Variants in ZNF704 observed in about 807,000 individuals in gnomAD.
ZNF704 encodes the protein glucocorticoid induced gene 1.
A neutral mutation model predicts 44.7 loss-of-function variants in ZNF704; 10 were observed. The observed-to-expected ratio is 0.22, with a 90% CI of 0.14 to 0.38. The LOEUF (loss-of-function observed/expected upper bound fraction) is 0.38, where lower values mean the gene tolerates loss of function less well. ZNF704 is among the 10% of genes least tolerant of loss of function. The probability of loss-of-function intolerance (pLI) is 1.00; values close to 1 mark genes in which losing one functional copy is unlikely to be tolerated. For synonymous variants in ZNF704, 211 were observed against 207.6 expected (o/e 1.02, Z -0.14); for missense variants, 390 against 545.5 (o/e 0.71, Z 2.84).
intron 1 of ZNF704, among the ~76,000 whole-genome samples, chr8:80,866,521 G>C (rs945895819): frequency 2.0e-5 from 3 of 152,218 alleles, no homozygotes; most frequent in South Asian, 2.1e-4. Flanking sequence ...AAATATTTCA[G>C]AAAGTCTAAG....
At chr8:80,757,234 A>G (rs972075727) in intron 2 of ZNF704, among the ~76,000 whole-genome samples, 1 of 152,128 alleles carries the variant, frequency 6.6e-6, no homozygotes, top group African/African-American at 2.4e-5. Flanking sequence ...GTAGAACAAG[A>G]TGTGGAGGTG....
At chr8:80,724,038 G>C (rs138602189) in intron 2 of ZNF704, among the ~76,000 whole-genome samples, 1 of 152,126 alleles carries the variant, frequency 6.6e-6, no homozygotes, top group African/African-American at 2.4e-5. Flanking sequence ...TTATATTTAC[G>C]CAAGTAATGT....
At chr8:80,715,805 C>T (rs528593313) in intron 2 of ZNF704, among the ~76,000 whole-genome samples, 11 of 152,164 alleles carry the variant, frequency 7.2e-5, no homozygotes, top group East Asian at 1.9e-4. Context: ...CTGGGCTGGG[C>T]GCCGTGGCTC....
At chr8:80,722,043 C>A (rs1025294122) in intron 2 of ZNF704, among the ~76,000 whole-genome samples, 1 of 152,090 alleles carries the variant, frequency 6.6e-6, no homozygotes, top group South Asian at 2.1e-4. Context: ...TCAAGACCAG[C>A]CTGTGCAACA....
rs188020207 is a variant in ZNF704, at chr8:80,801,929, C to T, written c.221+19445G>A. Among the ~76,000 whole-genome samples the T allele has an allele frequency of 2.5e-3, 374 of 151,694 alleles. 7 individuals are homozygous for T. The highest frequency in any genetic ancestry group is 0.023 in the Admixed American group (350 of 15,208). On this transcript the variant is annotated intron_variant, in intron 2 of 8. Coordinates refer to ENST00000327835, the MANE Select transcript of ZNF704 (RefSeq NM_001033723.3). ...TAATAAAATGGATAGATGGCCAGGCCAGACTAATAAAGAAGAAAATAGAGA... is the reference window on the plus strand; with the variant it reads ...TAATAAAATGGATAGATGGCCAGGCTAGACTAATAAAGAAGAAAATAGAGA...
intron 2 of ZNF704, among the ~76,000 whole-genome samples, chr8:80,733,860 C>T (rs1806622347): frequency 6.6e-6 from 1 of 152,142 alleles, no homozygotes; most frequent in South Asian, 2.1e-4. Flanking sequence ...TTATTGTTCT[C>T]AGAGGGAAGG....
At chr8:80,655,294 C>T (rs1404214906) in intron 7 of ZNF704, among the ~76,000 whole-genome samples, 3 of 151,658 alleles carry the variant, frequency 2.0e-5, no homozygotes, top group Non-Finnish European at 1.5e-5. Context: ...ATGTAACAAA[C>T]CTGCACGTTG....
At chr8:80,663,843 C>T (rs774381951) in intron 6 of ZNF704, among the ~76,000 whole-genome samples, 3 of 152,064 alleles carry the variant, frequency 2.0e-5, no homozygotes, top group Non-Finnish European at 4.4e-5. Flanking sequence ...TCCTCCCACA[C>T]CTCAGCCTCC....
chr8:80,647,020 T>C (rs1428545255), intron 7 of ZNF704, among the ~76,000 whole-genome samples: 1 of 152,200 alleles, frequency 6.6e-6, no homozygotes, highest in Non-Finnish European at 1.5e-5. Context: ...TGAAGTGATA[T>C]GAGATTATTG....
At chr8:80,748,628 T>C (rs1194847871) in intron 2 of ZNF704, among the ~76,000 whole-genome samples, 3 of 152,162 alleles carry the variant, frequency 2.0e-5, no homozygotes, top group Non-Finnish European at 4.4e-5. Context: ...GGAATGGGCA[T>C]TGCTGTAGCA....
In ZNF704 at chr8:80,810,470, C is replaced by CTT. The variant is rs138732265; in HGVS notation, c.221+10902_221+10903dup. On this transcript the variant is annotated intron_variant, in intron 2 of 8. Coordinates refer to ENST00000327835, the MANE Select transcript of ZNF704 (RefSeq NM_001033723.3). ...TTTATAAGCAGTATGTATTAATGAG[C>CTT]TTTTTTTTAACAATATTAAAAAAGT... is the stretch of plus-strand genomic sequence containing the variant. Among the ~76,000 whole-genome samples, 657 of 150,716 alleles carry CTT rather than the reference C, an allele frequency of 4.4e-3. 3 individuals carry two copies. Among genetic ancestry groups the CTT allele is most frequent in the African/African-American group, 0.015 (603 of 40,162 alleles).
intron 2 of ZNF704, among the ~76,000 whole-genome samples, chr8:80,748,125 A>G (rs1806878621): frequency 1.3e-5 from 2 of 152,236 alleles, no homozygotes; most frequent in African/African-American, 2.4e-5. Context: ...CTTCAGAAAC[A>G]TCTGTTTTAT....
rs73273074 is a variant in ZNF704, at chr8:80,715,807, C to A, written c.222-22700G>T. On this transcript the variant is annotated intron_variant, in intron 2 of 8. Transcript: ENST00000327835. Reference sequence around the variant, plus strand: ...AGAATTATTGAGTCTGGGCTGGGCGCCGTGGCTCATGCCTGCAATCCTAGC... The same window carrying A: ...AGAATTATTGAGTCTGGGCTGGGCGACGTGGCTCATGCCTGCAATCCTAGC... Among the ~76,000 whole-genome samples, 730 of 152,232 alleles carry A rather than the reference C, an allele frequency of 4.8e-3. 5 individuals carry two copies. The highest frequency in any genetic ancestry group is 0.016 in the African/African-American group (671 of 41,540).
Position 80,831,817 on chromosome 8 carries a change from G to A in ZNF704, c.-21-10202C>T, listed in dbSNP as rs114991243. 3.0e-3 allele frequency among the ~76,000 whole-genome samples: 456 copies of A among 152,312 alleles called. 1 individual carries two copies. Among genetic ancestry groups the A allele is most frequent in the African/African-American group, 0.01 (433 of 41,564 alleles). On this transcript the variant is annotated intron_variant, in intron 1 of 8. Transcript: ENST00000327835. ...GGTAAGAAACTGACAGCTTCCTGTA[G>A]GAGAGAGACCTAAGTGGCAGGGAAG... is the stretch of plus-strand genomic sequence containing the variant.
chr8:80,668,902 T>C (rs1392420939), intron 5 of ZNF704, among the ~76,000 whole-genome samples: 1 of 152,164 alleles, frequency 6.6e-6, no homozygotes, highest in Non-Finnish European at 1.5e-5. Flanking sequence ...TTCATAAGCA[T>C]AGATTAGCCT....
At chr8:80,681,943 C>G (rs1383034177) in intron 4 of ZNF704, among the ~76,000 whole-genome samples, 2 of 152,202 alleles carry the variant, frequency 1.3e-5, no homozygotes, top group Non-Finnish European at 2.9e-5. Context: ...CCTGAATTTT[C>G]TCTATGAGGC....
intron 2 of ZNF704, among the ~76,000 whole-genome samples, chr8:80,728,360 T>A (rs7010512): frequency 6.6e-6 from 1 of 152,292 alleles, no homozygotes; most frequent in East Asian, 1.9e-4. Context: ...CATGGCAATG[T>A]TTAATAACTC....
intron 6 of ZNF704, among the ~76,000 whole-genome samples, chr8:80,663,370 A>C (rs1363159693): frequency 6.6e-6 from 1 of 151,254 alleles, no homozygotes; most frequent in Admixed American, 6.6e-5. Flanking sequence ...CTGTCTCAAA[A>C]AAAAAAAAAA....
intron 7 of ZNF704, among the ~76,000 whole-genome samples, chr8:80,653,424 A>C (rs374683685): frequency 6.6e-6 from 1 of 152,222 alleles, no homozygotes; most frequent in South Asian, 2.1e-4. Flanking sequence ...AAAACCCCAT[A>C]GTCTCAGCCC....
Sources: gnomAD v4.1 joint callset for allele counts (sites outside exome capture counted in the v4.1 genomes callset) on GRCh38, gnomAD v4.1.1 for gene constraint, MANE v1.5 for transcripts, NCBI Gene and HGNC (gene_info 2026-07-23, HGNC 2026-07-21) for gene names.